The following CHRM5 variants were observed in gnomAD, a reference collection of about 807,000 sequenced individuals.
The protein encoded by CHRM5 is cholinergic receptor muscarinic 5, also known as muscarinic acetylcholine receptor M5.
Under a neutral mutation model 39.0 loss-of-function variants are expected in CHRM5, and 18 were observed. The ratio of observed to expected loss-of-function variants is 0.46; its 90% CI spans 0.32 to 0.68. The LOEUF (loss-of-function observed/expected upper bound fraction) is 0.68, where lower values mean the gene tolerates loss of function less well. Ranked by LOEUF, CHRM5 falls within the 30% of genes least tolerant of loss-of-function variation. The pLI is 0.04. For synonymous variants in CHRM5, 241 were observed against 246.3 expected, an observed-to-expected ratio of 0.98 and a Z score of 0.20; for missense variants, 515 against 651.1, an observed-to-expected ratio of 0.79 and a Z score of 2.28.
At chr15:34,036,550 G>A (rs1899137354) in intron 1 of CHRM5, among the ~76,000 whole-genome samples, 1 of 152,092 alleles carries the variant, frequency 6.6e-6, no homozygotes, top group Non-Finnish European at 1.5e-5. Context: ...TAATGGTTAA[G>A]CACCAAAAAT....
At chr15:34,047,307 G>C (rs59502570) in intron 2 of CHRM5, among the ~76,000 whole-genome samples, 1 of 152,020 alleles carries the variant, frequency 6.6e-6, no homozygotes, top group South Asian at 2.1e-4. Context: ...TGGATCTCCT[G>C]ACCTGATGAT....
intron 1 of CHRM5, among the ~76,000 whole-genome samples, chr15:34,020,776 G>C (rs569048263): frequency 1.2e-3 from 189 of 152,256 alleles, no homozygotes; most frequent in African/African-American, 4.4e-3. Flanking sequence ...TAAGACACAA[G>C]ATATAATCTC....
intron 1 of CHRM5, among the ~76,000 whole-genome samples, chr15:34,038,187 A>G (rs1025638589): frequency 5.9e-5 from 9 of 152,204 alleles, no homozygotes; most frequent in Middle Eastern, 3.2e-3. Context: ...AGGCATAATA[A>G]AAGAGAACTA....
Position 34,064,503 on chromosome 15 carries a change from T to G in CHRM5, c.*187T>G, listed in dbSNP as rs1254714274. ...CATAGCTGCAGCAATTGCTGACATA[T>G]TAAATGACTCTTGCCTATGACCAAG... On this transcript the variant is annotated 3_prime_UTR_variant, in exon 3 of 3. Transcript: ENST00000383263. 1.4e-6 allele frequency: 1 copy of G among 691,976 alleles called. No individual in the cohort carries two copies. The highest frequency in any genetic ancestry group is 2.4e-6 in the Non-Finnish European group (1 of 411,810). 42.9% of individuals were successfully genotyped at this position (691,976 alleles called of 1,614,324 possible).
At position 34,063,341 on chromosome 15, in the gene CHRM5, C is replaced by T. The variant is rs768500874; in HGVS notation, c.624C>T (p.Val208=). 9 of 1,614,182 alleles carry T rather than the reference C, an allele frequency of 5.6e-6. No homozygotes were observed. The highest frequency in any genetic ancestry group is 7.6e-6 in the Non-Finnish European group (9 of 1,180,046). The change falls in exon 3 of 3, where the codon GTC becomes GTT. Residue 208 remains valine (V), a synonymous_variant. Coordinates refer to ENST00000383263, the MANE Select transcript of CHRM5 (RefSeq NM_012125.4). This position sits in a 1 kb window ranked among gnomAD's most constrained non-coding sequence, Gnocchi z 4.1. ...CTGCCTTCTACATCCCTGTTTCTGT[C>T]ATGACCATCCTCTACTGTCGAATCT... ...AIAAFYIPVS[V]MTILYCRIYR...
At chr15:33,986,878 C>T (rs1400406086) in intron 1 of CHRM5, among the ~76,000 whole-genome samples, 2 of 152,048 alleles carry the variant, frequency 1.3e-5, no homozygotes, top group Non-Finnish European at 2.9e-5. Context: ...AGGATGGTCT[C>T]GATCTCCTGA....
At chr15:34,029,719 G>A (rs938236638) in intron 1 of CHRM5, among the ~76,000 whole-genome samples, 1 of 152,034 alleles carries the variant, frequency 6.6e-6, no homozygotes, top group Non-Finnish European at 1.5e-5. Flanking sequence ...TTTTCATCAA[G>A]GTTTGCTCCC....
At chr15:34,021,819 CA>C (rs1898213889) in intron 1 of CHRM5, among the ~76,000 whole-genome samples, 1 of 152,102 alleles carries the variant, frequency 6.6e-6, no homozygotes, top group Admixed American at 6.5e-5. Context: ...TGCGCCACTG[CA>C]CTCCAGCCTG....
intron 1 of CHRM5, among the ~76,000 whole-genome samples, chr15:33,982,468 C>T (rs2140529457): frequency 6.6e-6 from 1 of 152,314 alleles, no homozygotes; most frequent in Middle Eastern, 3.4e-3. Context: ...AAAATATTTT[C>T]TGGAGCAAAG....
At chr15:34,043,530 G>C (rs894188737) in intron 1 of CHRM5, among the ~76,000 whole-genome samples, 1 of 152,136 alleles carries the variant, frequency 6.6e-6, no homozygotes, top group African/African-American at 2.4e-5. Flanking sequence ...CTACTACTGA[G>C]GGTGCTCACC....
chr15:34,006,838 G>A (rs1597341177), intron 1 of CHRM5, among the ~76,000 whole-genome samples: 6 of 152,276 alleles, frequency 3.9e-5, no homozygotes, highest in African/African-American at 1.4e-4. Context: ...ACTGAAAGAT[G>A]TATCTTAAAA....
intron 1 of CHRM5, among the ~76,000 whole-genome samples, chr15:33,981,475 C>A (rs1019337407): frequency 1.3e-5 from 2 of 152,086 alleles, no homozygotes; most frequent in Non-Finnish European, 2.9e-5. Flanking sequence ...AAGCTTTCTT[C>A]TTTTAACAGA....
rs1898597665 is a variant in CHRM5, at chr15:34,028,353, C to T, written c.-407-18187C>T. ...GCCAAGGCAGGTGGTTCACTTGAGCCCAGGAGTTCGAGAGCAGCCTGTGCA... is the reference window on the plus strand; with the variant it reads ...GCCAAGGCAGGTGGTTCACTTGAGCTCAGGAGTTCGAGAGCAGCCTGTGCA... On this transcript the variant is annotated intron_variant, in intron 1 of 2. Coordinates refer to ENST00000383263, the MANE Select transcript of CHRM5 (RefSeq NM_012125.4). Among the ~76,000 whole-genome samples the T allele has an allele frequency of 1.3e-5, 2 of 152,060 alleles. 1 individual carries two copies. Among genetic ancestry groups the T allele is most frequent in the South Asian group, 4.2e-4 (2 of 4,818 alleles).
intron 1 of CHRM5, chr15:34,039,312 G>A (rs1162295517): frequency 3.0e-5 from 5 of 165,894 alleles, no homozygotes; most frequent in African/African-American, 1.2e-4. Flanking sequence ...CTGCAGCGGG[G>A]CGGGGGGATT....
At chr15:33,986,907 T>TCGGC (rs888295381) in intron 1 of CHRM5, among the ~76,000 whole-genome samples, 5 of 152,166 alleles carry the variant, frequency 3.3e-5, no homozygotes, top group Non-Finnish European at 7.3e-5. Flanking sequence ...TCCGCCCACC[T>TCGGC]CGGCCTCCCA....
intron 2 of CHRM5, among the ~76,000 whole-genome samples, chr15:34,058,938 C>G (rs1234331613): frequency 6.6e-6 from 1 of 152,108 alleles, no homozygotes; most frequent in Non-Finnish European, 1.5e-5. Context: ...ACTCTGTCGC[C>G]CAGGCTGGAA....
At chr15:34,028,836 C>T (rs1898623517) in intron 1 of CHRM5, among the ~76,000 whole-genome samples, 1 of 151,780 alleles carries the variant, frequency 6.6e-6, no homozygotes. Flanking sequence ...AAACACACCA[C>T]CATCATCGGC....
intron 1 of CHRM5, among the ~76,000 whole-genome samples, chr15:33,971,636 A>G (rs115142526): frequency 0.015 from 2,209 of 152,148 alleles, 54 homozygotes; most frequent in African/African-American, 0.05. Flanking sequence ...TTAAAGGGAC[A>G]TTGCATAATA....
intron 1 of CHRM5, among the ~76,000 whole-genome samples, chr15:34,044,835 G>A (rs984637088): frequency 3.3e-5 from 5 of 152,190 alleles, no homozygotes; most frequent in Admixed American, 2.0e-4. Flanking sequence ...AGGATCATGA[G>A]GTCAGGAGAT....
Sources: gnomAD v4.1 joint callset for allele counts (sites outside exome capture counted in the v4.1 genomes callset) on GRCh38, gnomAD v4.1.1 for gene constraint, Gnocchi (gnomAD v3.1) non-coding constraint, MANE v1.5 for transcripts, NCBI Gene and HGNC (gene_info 2026-07-23, HGNC 2026-07-21) for gene names.